PLCL1: variants seen among roughly 807,000 people sequenced by gnomAD.
PLCL1 encodes the protein inactive phospholipase C-like protein 1.
PLCL1 carries 41 observed loss-of-function variants against 84.4 expected under a neutral mutation model. That is an observed-to-expected ratio of 0.49 (90% confidence interval 0.38 to 0.63). The LOEUF (loss-of-function observed/expected upper bound fraction) is 0.63. PLCL1 is among the 30% of genes least tolerant of loss of function. PLCL1 has a pLI of 0.00. For synonymous variants in PLCL1, 490 were observed against 488.3 expected, an observed-to-expected ratio of 1.00 and a Z score of -0.05; for missense variants, 1,206 against 1,367.8, an observed-to-expected ratio of 0.88 and a Z score of 1.87.
chr2:198,104,441 T>C (rs1304090548), intron 5 of PLCL1, among the ~76,000 whole-genome samples: 1 of 152,076 alleles, frequency 6.6e-6, no homozygotes, highest in Non-Finnish European at 1.5e-5. Flanking sequence ...CAGTCCACTA[T>C]TGACGGACAT....
At position 197,978,593 on chromosome 2, in the gene PLCL1, C is replaced by T. The variant is rs550821302; in HGVS notation, c.241-105165C>T. Among the ~76,000 whole-genome samples, 66 of 152,332 alleles carry T rather than the reference C, an allele frequency of 4.3e-4. 1 individual carries two copies. Among genetic ancestry groups the T allele is most frequent in the African/African-American group, 1.5e-3 (62 of 41,574 alleles). On this transcript the variant is annotated intron_variant, in intron 1 of 5. Transcript: ENST00000428675. ...AAGACAAAACACTTCTAACATTAAACATTAAAATAAATGTAAGCTATACAT... is the reference window on the plus strand; with the variant it reads ...AAGACAAAACACTTCTAACATTAAATATTAAAATAAATGTAAGCTATACAT...
At chr2:197,809,401 C>T (rs1381277936) in intron 1 of PLCL1, among the ~76,000 whole-genome samples, 3 of 152,148 alleles carry the variant, frequency 2.0e-5, no homozygotes, top group South Asian at 4.1e-4. Context: ...TGAAACAGCC[C>T]GAACACGTGA....
chr2:198,012,234 C>T (rs549979102), intron 1 of PLCL1, among the ~76,000 whole-genome samples: 1 of 152,182 alleles, frequency 6.6e-6, no homozygotes, highest in Admixed American at 6.5e-5. Context: ...GGATTGTATA[C>T]CCAGGGGCAA....
intron 1 of PLCL1, among the ~76,000 whole-genome samples, chr2:197,820,077 G>T (rs1690785539): frequency 6.6e-6 from 1 of 152,056 alleles, no homozygotes; most frequent in East Asian, 1.9e-4. Context: ...TTAAACCCTG[G>T]ATTGTTTTGC....
At chr2:197,919,537 T>A (rs1014546349) in intron 1 of PLCL1, among the ~76,000 whole-genome samples, 3 of 152,230 alleles carry the variant, frequency 2.0e-5, no homozygotes, top group African/African-American at 7.2e-5. Flanking sequence ...CCTTTATAGT[T>A]GTCATTAGTT....
intron 5 of PLCL1, among the ~76,000 whole-genome samples, chr2:198,117,800 A>G (rs1451221839): frequency 3.3e-5 from 5 of 151,908 alleles, no homozygotes; most frequent in Non-Finnish European, 7.4e-5. Context: ...CTTCTTAACA[A>G]TGTATATTGT....
intron 1 of PLCL1, among the ~76,000 whole-genome samples, chr2:198,034,766 T>C (rs1691515719): frequency 6.6e-6 from 1 of 152,234 alleles, no homozygotes; most frequent in Admixed American, 6.5e-5. Context: ...TTTTGTGGTC[T>C]AGGAAATCAA....
At chr2:197,930,421 C>T (rs573878096) in intron 1 of PLCL1, among the ~76,000 whole-genome samples, 1 of 152,108 alleles carries the variant, frequency 6.6e-6, no homozygotes, top group African/African-American at 2.4e-5. Context: ...GGTGAAATGT[C>T]TTGAGGGAAA....
chr2:197,889,482 T>A (rs537619838), intron 1 of PLCL1, among the ~76,000 whole-genome samples: 3 of 152,214 alleles, frequency 2.0e-5, no homozygotes, highest in Non-Finnish European at 4.4e-5. Flanking sequence ...CTGCTTACAC[T>A]GAGTTTTAAT....
At chr2:197,991,910 A>C (rs1455074900) in intron 1 of PLCL1, among the ~76,000 whole-genome samples, 1 of 152,106 alleles carries the variant, frequency 6.6e-6, no homozygotes, top group African/African-American at 2.4e-5. Context: ...CCCTCACCGG[A>C]GATCGCTCAT....
intron 1 of PLCL1, among the ~76,000 whole-genome samples, chr2:197,956,542 G>A (rs928387207): frequency 5.3e-5 from 8 of 152,270 alleles, no homozygotes; most frequent in South Asian, 4.1e-4. Flanking sequence ...TACCAACAGC[G>A]TAAAAGCATT....
chr2:197,820,494 C>A (rs1212804722), intron 1 of PLCL1, among the ~76,000 whole-genome samples: 1 of 152,024 alleles, frequency 6.6e-6, no homozygotes, highest in Admixed American at 6.6e-5. Context: ...AAGCTCACAT[C>A]ATAGGGAATC....
intron 5 of PLCL1, among the ~76,000 whole-genome samples, chr2:198,132,037 G>A (rs116829283): frequency 0.03 from 4,613 of 152,286 alleles, 103 homozygotes; most frequent in Middle Eastern, 0.048. Context: ...CTCTAGTGCT[G>A]TGGGCTTACA....
At chr2:198,087,608 T>A (rs1186954716) in intron 2 of PLCL1, among the ~76,000 whole-genome samples, 1 of 152,076 alleles carries the variant, frequency 6.6e-6, no homozygotes, top group Non-Finnish European at 1.5e-5. Flanking sequence ...AATCCAGGAC[T>A]GCCAGTATTT....
chr2:197,919,928 C>CAGG (rs1688672731), intron 1 of PLCL1, among the ~76,000 whole-genome samples: 1 of 152,158 alleles, frequency 6.6e-6, no homozygotes, highest in African/African-American at 2.4e-5. Context: ...GGCTACACAC[C>CAGG]ATTTACTAGT....
chr2:198,058,298 T>A (rs1031077318), intron 1 of PLCL1, among the ~76,000 whole-genome samples: 4 of 152,118 alleles, frequency 2.6e-5, no homozygotes, highest in African/African-American at 9.7e-5. Context: ...ATAAATAAAA[T>A]TTTAATTTTT....
At chr2:197,993,311 G>A (rs1690382139) in intron 1 of PLCL1, among the ~76,000 whole-genome samples, 2 of 151,998 alleles carry the variant, frequency 1.3e-5, no homozygotes, top group South Asian at 2.1e-4. Flanking sequence ...TATCTTCTTT[G>A]GAGAAATGTC....
chr2:198,027,359 G>A (rs1691294500), intron 1 of PLCL1, among the ~76,000 whole-genome samples: 1 of 152,120 alleles, frequency 6.6e-6, no homozygotes, highest in Admixed American at 6.6e-5. Flanking sequence ...GGGGAATGGA[G>A]GAATTGGGGA....
At chr2:197,952,749 A>G (rs999478042) in intron 1 of PLCL1, among the ~76,000 whole-genome samples, 2 of 152,060 alleles carry the variant, frequency 1.3e-5, no homozygotes, top group African/African-American at 4.8e-5. Flanking sequence ...TTTCCCCCAT[A>G]CTGTTCTTGT....
Sources: gnomAD v4.1 joint callset for allele counts (sites outside exome capture counted in the v4.1 genomes callset) on GRCh38, gnomAD v4.1.1 for gene constraint, MANE v1.5 for transcripts, NCBI Gene and HGNC (gene_info 2026-07-23, HGNC 2026-07-21) for gene names.